The following CLGN variants were observed in gnomAD, a reference collection of about 807,000 sequenced individuals.
The protein encoded by CLGN is testis tissue sperm-binding protein Li 79P.
Under a neutral mutation model 79.1 loss-of-function variants are expected in CLGN, and 62 were observed. The observed-to-expected ratio is 0.78, with a 90% CI of 0.64 to 0.97. The LOEUF is 0.97. CLGN is among the 50% of genes least tolerant of loss of function. The probability of loss-of-function intolerance (pLI) is 0.00; values close to 1 mark genes in which losing one functional copy is unlikely to be tolerated. For synonymous variants in CLGN, 225 were observed against 224.7 expected (o/e 1.00, Z -0.01); for missense variants, 647 against 715.5 (o/e 0.90, Z 1.09).
At chr4:140,411,976 A>G (rs1415151898) in intron 2 of CLGN, among the ~76,000 whole-genome samples, 1 of 152,142 alleles carries the variant, frequency 6.6e-6, no homozygotes, top group Non-Finnish European at 1.5e-5. Flanking sequence ...GTATCACCAA[A>G]TAAGTCGAGT....
chr4:140,411,638 C>T (rs1729212860), intron 2 of CLGN, among the ~76,000 whole-genome samples: 1 of 151,982 alleles, frequency 6.6e-6, no homozygotes, highest in Non-Finnish European at 1.5e-5. Flanking sequence ...CCCTATCCTA[C>T]CCTGATAGCA....
intron 5 of CLGN, among the ~76,000 whole-genome samples, chr4:140,405,482 C>T (rs1481551291): frequency 1.3e-5 from 2 of 151,936 alleles, no homozygotes; most frequent in East Asian, 3.9e-4. Flanking sequence ...CCGCGCCCGG[C>T]GATAACAAGT....
intron 8 of CLGN, 124 bp from the exon 9 acceptor site, chr4:140,396,329 C>T: frequency 2.4e-6 from 2 of 816,472 alleles, no homozygotes; most frequent in Non-Finnish European, 3.9e-6. Flanking sequence ...TTGTCCTCAT[C>T]TACTACCCAC....
intron 1 of CLGN, among the ~76,000 whole-genome samples, chr4:140,418,268 T>A (rs1312694469): frequency 6.0e-5 from 9 of 150,644 alleles, no homozygotes; most frequent in Middle Eastern, 3.2e-3. Context: ...AACCTAGGCA[T>A]TACCATTCAG....
chr4:140,412,865 C>G, intron 2 of CLGN, 70 bp downstream of exon 2: 1 of 1,274,906 alleles, frequency 7.8e-7, no homozygotes, highest in Non-Finnish European at 1.1e-6. Flanking sequence ...TGAAATGAAT[C>G]ACCAGAGGTC....
intron 1 of CLGN, among the ~76,000 whole-genome samples, chr4:140,418,839 C>T (rs1196287209): frequency 6.6e-6 from 1 of 151,956 alleles, no homozygotes; most frequent in African/African-American, 2.4e-5. Flanking sequence ...TTGACCCAGC[C>T]ATCCCATTAC....
At chr4:140,421,784 TTTTTAA>T (rs1234170176) in intron 1 of CLGN, among the ~76,000 whole-genome samples, 2 of 152,242 alleles carry the variant, frequency 1.3e-5, no homozygotes, top group African/African-American at 4.8e-5. Flanking sequence ...TGCACAGAAC[TTTTTAA>T]TTTTGAGTTT....
In CLGN at chr4:140,400,400, A is replaced by C; in HGVS notation, c.651T>G (p.Leu217=). 1.2e-6 allele frequency: 2 copies of C among 1,612,808 alleles called. No individual in the cohort carries two copies. Among genetic ancestry groups the C allele is most frequent in the Non-Finnish European group, 1.7e-6 (2 of 1,179,358 alleles). ...TCTTCCTGTCTGTAAAGAACTTTTT[A>C]AGGTCTACATCTGGAGGTTTGGCAT... is the stretch of plus-strand genomic sequence containing the variant. ...EKHAKPPDVD[L]KKFFTDRKTH... is the part of the protein sequence containing the mutation. Residue 217 remains leucine (L), a synonymous_variant, in exon 7 of 15, where the codon CTT becomes CTG. Coordinates refer to ENST00000325617, the MANE Select transcript of CLGN (RefSeq NM_004362.3).
At chr4:140,405,817 T>C (rs1386569124) in intron 5 of CLGN, 125 bp downstream of exon 5, 8 of 891,144 alleles carry the variant, frequency 9.0e-6, no homozygotes, top group Non-Finnish European at 1.2e-5. Context: ...ATTTGTGTTT[T>C]AACTAAGTGA....
rs979855864 is a variant in CLGN at position 140,389,303 on chromosome 4, A to T, written c.1754T>A (p.Met585Lys). 6.2e-7 allele frequency: 1 copy of T among 1,610,918 alleles called. No individual in the cohort carries two copies. Among genetic ancestry groups the T allele is most frequent in the Non-Finnish European group, 8.5e-7 (1 of 1,177,886 alleles). ...QSNKSGSEDE[M>K]KEADESTGSG... is the part of the protein sequence containing the mutation. ...TCCTGTGCTCTCATCTGCTTCTTTC[A>T]TCTAGAAAAAATAATTATGAAAAGG... Residue 585 changes from methionine to lysine, a missense_variant and splice_region_variant, in exon 15 of 15, where the codon ATG (methionine) becomes AAG (lysine). Coordinates refer to ENST00000325617, the MANE Select transcript of CLGN (RefSeq NM_004362.3).
intron 8 of CLGN, among the ~76,000 whole-genome samples, chr4:140,396,890 T>TATATATAC (rs34215026): frequency 5.8e-5 from 3 of 51,502 alleles, no homozygotes; most frequent in African/African-American, 2.2e-4. Flanking sequence ...TATATATATA[T>TATATATAC]GTATATATAT....
rs1728717686 is a variant in CLGN, at chr4:140,388,520, G to C, written c.*704C>G. On this transcript the variant is annotated 3_prime_UTR_variant, in exon 15 of 15. Transcript: ENST00000325617. ...GTATGCATAAGAAATTTTGTGAATG[G>C]GGTAAACCACTCTGGCATAAAGCAA... 1 of 151,190 alleles carries C rather than the reference G, an allele frequency of 6.6e-6. No homozygotes were observed. Among genetic ancestry groups the C allele is most frequent in the Non-Finnish European group, 1.5e-5 (1 of 67,586 alleles). The allele number at this position is 151,190 out of a possible 1,614,324, so 9.4% of individuals were successfully genotyped here. A position where few individuals can be genotyped will look rare whatever the true frequency, so the allele number is the denominator to read the frequency against.
At chr4:140,420,981 A>G (rs1356985328) in intron 1 of CLGN, among the ~76,000 whole-genome samples, 3 of 152,128 alleles carry the variant, frequency 2.0e-5, no homozygotes, top group Non-Finnish European at 4.4e-5. Flanking sequence ...CAGCCCCTGG[A>G]AACCATCTTT....
chr4:140,390,805 A>G, intron 13 of CLGN, 77 bp from the exon 14 acceptor site: 1 of 892,080 alleles, frequency 1.1e-6, no homozygotes, highest in East Asian at 2.9e-5. Context: ...AATACAATAA[A>G]TGGGATTTAT....
At chr4:140,412,326 A>T (rs1327346518) in intron 2 of CLGN, among the ~76,000 whole-genome samples, 1 of 152,152 alleles carries the variant, frequency 6.6e-6, no homozygotes, top group African/African-American at 2.4e-5. Context: ...AATATCTCTG[A>T]TTATCACAAG....
intron 1 of CLGN, among the ~76,000 whole-genome samples, chr4:140,414,016 G>T (rs537766067): frequency 6.6e-6 from 1 of 152,050 alleles, no homozygotes; most frequent in Non-Finnish European, 1.5e-5. Flanking sequence ...ATCTGAGAAC[G>T]GGCAGACTGC....
chr4:140,390,607 A>C (rs2126612180), intron 14 of CLGN, 21 bp downstream of exon 14: 1 of 1,529,860 alleles, frequency 6.5e-7, no homozygotes, highest in East Asian at 2.4e-5. Flanking sequence ...TATACATAGA[A>C]ACCAGCTTAT....
chr4:140,422,041 C>A (rs1229947312), intron 1 of CLGN, among the ~76,000 whole-genome samples: 1 of 152,052 alleles, frequency 6.6e-6, no homozygotes, highest in Non-Finnish European at 1.5e-5. Context: ...GAAGACTGTC[C>A]TTTCTCACAA....
intron 1 of CLGN, among the ~76,000 whole-genome samples, chr4:140,422,146 CTT>C (rs1729482436): frequency 6.6e-6 from 1 of 152,124 alleles, no homozygotes; most frequent in Non-Finnish European, 1.5e-5. Flanking sequence ...ATATGTCTGT[CTT>C]TATGCCAGTC....
Sources: allele counts gnomAD v4.1 joint callset (sites outside exome capture counted in the v4.1 genomes callset), GRCh38; gene constraint gnomAD v4.1.1; transcripts MANE v1.5; gene names NCBI Gene and HGNC (gene_info 2026-07-23, HGNC 2026-07-21).